ACCSL: variants seen among roughly 807,000 people sequenced by gnomAD.
The protein encoded by ACCSL is 1-aminocyclopropane-1-carboxylate synthase homolog (inactive) like, also known as probable inactive 1-aminocyclopropane-1-carboxylate synthase-like protein 2.
A neutral mutation model predicts 61.7 loss-of-function variants in ACCSL; 55 were observed. The ratio of observed to expected loss-of-function variants is 0.89; its 90% CI spans 0.72 to 1.12. The LOEUF (loss-of-function observed/expected upper bound fraction) is 1.12. Among genes scored for constraint, ACCSL ranks in the 50% most tolerant of loss-of-function variants. ACCSL has a pLI of 0.00. For synonymous variants in ACCSL, 258 were observed against 264.3 expected, an observed-to-expected ratio of 0.98 and a Z score of 0.23; for missense variants, 632 against 698.0, an observed-to-expected ratio of 0.91 and a Z score of 1.07.
chr11:43,956,395 C>A, the ACCSL span, among the ~76,000 whole-genome samples: 3 of 151,784 alleles, frequency 2.0e-5, no homozygotes, highest in African/African-American at 4.8e-5. Flanking sequence ...TAGATCAGGT[C>A]TCTTTCTGTC....
intron 11 of ACCSL, 141 bp from the exon 12 acceptor site, chr11:44,058,168 GGTTTTTTT>G: frequency 2.0e-6 from 2 of 985,344 alleles, no homozygotes; most frequent in Non-Finnish European, 2.9e-6. Flanking sequence ...GGGAAACTCT[GGTTTTTTT>G]GTTTTTTTTA....
the ACCSL span, among the ~76,000 whole-genome samples, chr11:43,932,507 G>A: frequency 6.6e-6 from 1 of 152,180 alleles, no homozygotes; most frequent in Admixed American, 6.5e-5. Flanking sequence ...GATCTGAAAC[G>A]ATCTGCCTGC....
chr11:43,943,361 C>CG, the ACCSL span: 5 of 1,390,654 alleles, frequency 3.6e-6, no homozygotes, highest in African/African-American at 1.5e-5. The surrounding 1 kb of genome is among the most constrained non-coding windows in gnomAD (Gnocchi z 4.8). Flanking sequence ...GCCCTGCTCC[C>CG]GGGGGACCCG....
chr11:43,957,034 A>G, the ACCSL span, among the ~76,000 whole-genome samples: 2 of 152,212 alleles, frequency 1.3e-5, no homozygotes, highest in African/African-American at 2.4e-5. Context: ...GCAGCAGAAC[A>G]TCTCAGGGAG....
At chr11:44,058,984 T>G (rs1029360247) in intron 13 of ACCSL, among the ~76,000 whole-genome samples, 3 of 152,170 alleles carry the variant, frequency 2.0e-5, no homozygotes, top group Non-Finnish European at 4.4e-5. Context: ...GTCTTATGCC[T>G]GTAATCCCAG....
the ACCSL span, among the ~76,000 whole-genome samples, chr11:44,013,270 G>A: frequency 3.9e-5 from 6 of 152,172 alleles, no homozygotes; most frequent in African/African-American, 1.4e-4. Context: ...AAGAACATAA[G>A]CAATTCTTTT....
chr11:43,989,385 C>A, the ACCSL span, among the ~76,000 whole-genome samples: 1 of 152,246 alleles, frequency 6.6e-6, no homozygotes, highest in African/African-American at 2.4e-5. Context: ...CGCCTGCCTT[C>A]CTGCCTAGGC....
chr11:43,972,109 A>G, the ACCSL span, among the ~76,000 whole-genome samples: 13 of 152,222 alleles, frequency 8.5e-5, no homozygotes, highest in East Asian at 1.9e-4. Flanking sequence ...TGTCAACTGC[A>G]TAAGTGACTA....
chr11:44,035,725 G>A, the ACCSL span, among the ~76,000 whole-genome samples: 620 of 152,076 alleles, frequency 4.1e-3, 4 homozygotes, highest in African/African-American at 0.014. Flanking sequence ...ATCACTTGAG[G>A]CCAGGAGTTT....
the ACCSL span, among the ~76,000 whole-genome samples, chr11:44,027,067 T>G: frequency 1.2e-4 from 19 of 152,020 alleles, no homozygotes; most frequent in Non-Finnish European, 2.5e-4. Context: ...TCATGCGTGA[T>G]CCCTGAAGTC....
the ACCSL span, among the ~76,000 whole-genome samples, chr11:43,981,222 G>A: frequency 6.6e-6 from 1 of 152,202 alleles, no homozygotes; most frequent in Non-Finnish European, 1.5e-5. Flanking sequence ...CCTCCATGTA[G>A]CCTACATGAG....
chr11:43,937,339 A>T, the ACCSL span, among the ~76,000 whole-genome samples: 4 of 152,204 alleles, frequency 2.6e-5, no homozygotes, highest in Non-Finnish European at 5.9e-5. Flanking sequence ...AGGGGGACAG[A>T]GAGACTGAGG....
chr11:43,952,840 T>TCACTTTGCTGCAGATGTGGCCACA, the ACCSL span, among the ~76,000 whole-genome samples: 1 of 152,070 alleles, frequency 6.6e-6, no homozygotes, highest in Non-Finnish European at 1.5e-5. Flanking sequence ...CATTTAATAG[T>TCACTTTGCTGCAGATGTGGCCACA]CACTTTGCTG....
chr11:43,959,400 C>T, the ACCSL span, among the ~76,000 whole-genome samples: 2 of 152,214 alleles, frequency 1.3e-5, no homozygotes, highest in Admixed American at 6.5e-5. Context: ...CTGCTAGCTG[C>T]GAGAGAAATT....
chr11:44,019,907 A>G, the ACCSL span, among the ~76,000 whole-genome samples: 3 of 152,220 alleles, frequency 2.0e-5, no homozygotes, highest in Non-Finnish European at 4.4e-5. Context: ...CCTCTGATCC[A>G]TCTGGAGTTA....
the ACCSL span, among the ~76,000 whole-genome samples, chr11:43,951,806 G>A: frequency 1.3e-5 from 2 of 152,282 alleles, no homozygotes; most frequent in South Asian, 4.1e-4. Context: ...TTCGAGACCA[G>A]CCTGGCCAAC....
chr11:43,996,373 G>C, the ACCSL span, among the ~76,000 whole-genome samples: 1,637 of 152,300 alleles, frequency 0.011, 15 homozygotes, highest in Middle Eastern at 0.051. Context: ...GGCGTCAGTG[G>C]CTGTGGGGAG....
the ACCSL span, chr11:43,942,483 G>A: frequency 6.1e-5 from 13 of 213,850 alleles, no homozygotes; most frequent in South Asian, 5.3e-4. Context: ...GGCGGCGCCG[G>A]GGAAGGGGCC....
chr11:44,024,407 G>GTA, the ACCSL span, among the ~76,000 whole-genome samples: 1 of 147,948 alleles, frequency 6.8e-6, no homozygotes, highest in African/African-American at 2.5e-5. Context: ...CTTCTCCCAT[G>GTA]TATATCTCTC....
Sources: gnomAD v4.1 joint callset for allele counts (sites outside exome capture counted in the v4.1 genomes callset) on GRCh38, gnomAD v4.1.1 for gene constraint, Gnocchi (gnomAD v3.1) non-coding constraint, MANE v1.5 for transcripts, NCBI Gene and HGNC (gene_info 2026-07-23, HGNC 2026-07-21) for gene names.